The following MSANTD3 variants were observed in gnomAD, a reference collection of about 807,000 sequenced individuals.
The protein encoded by MSANTD3 is myb/SANT-like DNA-binding domain-containing protein 3.
In MSANTD3, 11 loss-of-function variants were observed where a neutral mutation model predicts 27.7. That is an observed-to-expected ratio of 0.40 (90% CI 0.25 to 0.66). MSANTD3 has a LOEUF of 0.66. Among genes scored for constraint, MSANTD3 ranks in the 30% least tolerant of loss-of-function variants. The probability of loss-of-function intolerance (pLI) is 0.41; values close to 1 mark genes in which losing one functional copy is unlikely to be tolerated. For missense variants in MSANTD3, 250 were observed against 336.5 expected, an observed-to-expected ratio of 0.74 and a Z score of 2.01; for synonymous variants, 131 against 127.2, an observed-to-expected ratio of 1.03 and a Z score of -0.20.
chr9:100,436,910 T>G (rs1277756250), intron 1 of MSANTD3, among the ~76,000 whole-genome samples: 1 of 152,150 alleles, frequency 6.6e-6, no homozygotes, highest in Non-Finnish European at 1.5e-5. Context: ...GTTCAAATGA[T>G]TCTCCTGCCT....
At chr9:100,432,106 GT>G (rs1453357537) in intron 1 of MSANTD3, among the ~76,000 whole-genome samples, 1 of 152,136 alleles carries the variant, frequency 6.6e-6, no homozygotes, top group Non-Finnish European at 1.5e-5. Flanking sequence ...CACAAGGCTG[GT>G]TCTGCATGCA....
rs1836730253 is a variant in MSANTD3, at chr9:100,445,369, A to T, written c.418+3013A>T. 5.0e-6 allele frequency: 3 copies of T among 594,768 alleles called. No individual in the cohort carries two copies. The South Asian group carries it at 7.6e-5, about 15-fold the overall frequency. 36.8% of individuals were successfully genotyped at this position (594,768 alleles called of 1,614,324 possible). A position where few individuals can be genotyped will look rare whatever the true frequency, so the allele number is the denominator to read the frequency against. On this transcript the variant is annotated intron_variant, in intron 2 of 2. Transcript: ENST00000395067. ...AGTTGTCACAAGCCACATGAGGCTC[A>T]TAGGCACTTGAAATGTGGGTAGACC... is the stretch of plus-strand genomic sequence containing the variant.
chr9:100,442,845 A>G (rs1836662344), intron 2 of MSANTD3, among the ~76,000 whole-genome samples: 1 of 151,648 alleles, frequency 6.6e-6, no homozygotes, highest in Admixed American at 6.6e-5. Flanking sequence ...ATATAAAAAC[A>G]AAAGTACTTG....
In MSANTD3 at chr9:100,451,175, C is replaced by G. The variant is rs1440595509; in HGVS notation, c.*209C>G. On this transcript the variant is annotated 3_prime_UTR_variant, in exon 3 of 3. Transcript: ENST00000395067. ...GCTGTTATAGTCTTCTGAAAATTAT[C>G]ACTATGAGTGCTATAATTCTGAATA... is the stretch of plus-strand genomic sequence containing the variant. 2.0e-6 allele frequency: 1 copy of G among 507,834 alleles called. No homozygotes were observed. The highest frequency in any genetic ancestry group is 3.1e-5 in the East Asian group (1 of 32,480). 31.5% of individuals were successfully genotyped at this position (507,834 alleles called of 1,614,324 possible).
At chr9:100,444,348 A>G (rs951331963) in intron 2 of MSANTD3, 4 of 152,200 alleles carry the variant, frequency 2.6e-5, no homozygotes, top group African/African-American at 9.7e-5. Context: ...CTCCTAGCAG[A>G]CAGTTTATGG....
At chr9:100,428,127 A>C (rs1836286200) in intron 1 of MSANTD3, among the ~76,000 whole-genome samples, 1 of 152,202 alleles carries the variant, frequency 6.6e-6, no homozygotes, top group African/African-American at 2.4e-5. Flanking sequence ...AATTGCATGA[A>C]TAATCTTTAT....
chr9:100,431,760 T>C (rs780565487), intron 1 of MSANTD3, among the ~76,000 whole-genome samples: 2 of 152,188 alleles, frequency 1.3e-5, no homozygotes, highest in African/African-American at 2.4e-5. Flanking sequence ...TTCTGAGTGC[T>C]GCAAGAGGTA....
At position 100,442,337 on chromosome 9, in the gene MSANTD3, C is replaced by T. The variant is rs1337442049; in HGVS notation, c.399C>T (p.His133=). ...CCCCGGAGGAGGAGCCCGAATACCA[C>T]CCCGACGCCTCAGCCCAAGGTATCC... ...QSPPEEEPEY[H]PDASAQESFA... is the part of the protein sequence containing the mutation. The change falls in exon 2 of 3, where the codon CAC becomes CAT. Residue 133 remains histidine, a synonymous_variant. Coordinates refer to ENST00000395067, the MANE Select transcript of MSANTD3 (RefSeq NM_080655.3). 4 of 1,612,260 alleles carry T rather than the reference C, an allele frequency of 2.5e-6. No homozygotes were observed. The African/African-American group carries it at 5.3e-5, about 22-fold the overall frequency.
intron 2 of MSANTD3, among the ~76,000 whole-genome samples, chr9:100,449,577 A>C (rs919395240): frequency 1.3e-5 from 2 of 152,214 alleles, no homozygotes; most frequent in Non-Finnish European, 2.9e-5. Context: ...AACTTTAAGC[A>C]GAGGGAACAG....
At chr9:100,446,958 G>C (rs1836768718) in intron 2 of MSANTD3, among the ~76,000 whole-genome samples, 2 of 151,944 alleles carry the variant, frequency 1.3e-5, no homozygotes, top group Admixed American at 6.6e-5. Flanking sequence ...CCTATTTCCT[G>C]TATCTGGGGT....
chr9:100,442,237 TCCTGAGTAC>T lies in MSANTD3; in HGVS notation c.302_310del (p.Leu101_Thr103del), dbSNP rs1564250127. 6.2e-7 allele frequency: 1 copy of T among 1,614,118 alleles called. No individual in the cohort carries two copies. The highest frequency in any genetic ancestry group is 8.5e-7 in the Non-Finnish European group (1 of 1,180,034). On this transcript the variant is annotated inframe_deletion, in exon 2 of 3. Coordinates refer to ENST00000395067, the MANE Select transcript of MSANTD3 (RefSeq NM_080655.3). ...AAAGTGAAACGGAGCGTCAGCCCTCTCCTGAGTACCCACGTCCTAGGGAAGGAGAAGATC... is the reference window on the plus strand; with the variant it reads ...AAAGTGAAACGGAGCGTCAGCCCTCTCCACGTCCTAGGGAAGGAGAAGATC...
At chr9:100,429,051 C>A (rs1375776369) in intron 1 of MSANTD3, among the ~76,000 whole-genome samples, 3 of 152,162 alleles carry the variant, frequency 2.0e-5, no homozygotes, top group Admixed American at 1.3e-4. Flanking sequence ...AGGGGGCACC[C>A]TTTCCTCTCC....
Position 100,450,833 on chromosome 9 carries a change from T to C in MSANTD3, c.695T>C (p.Met232Thr). 2 of 1,614,138 alleles carry C rather than the reference T, an allele frequency of 1.2e-6. No homozygotes were observed. Among genetic ancestry groups the C allele is most frequent in the Non-Finnish European group, 1.7e-6 (2 of 1,180,020 alleles). The change falls in exon 3 of 3, where the codon ATG (methionine) becomes ACG (threonine). Residue 232 changes from methionine to threonine, a missense_variant. By Grantham distance (81) the Met-to-Thr change is moderately conservative. Transcript: ENST00000395067. ...CAGCAGATAGAGCGAGAGTGTGAGA[T>C]GGCAGAGGAGGAACACAGGATAAAA... ...KIQQIERECEMAEEEHRIKME... is the reference protein window; with the variant it reads ...KIQQIERECETAEEEHRIKME...
chr9:100,428,273 A>G (rs1160657856), intron 1 of MSANTD3, among the ~76,000 whole-genome samples: 1 of 152,220 alleles, frequency 6.6e-6, no homozygotes, highest in Non-Finnish European at 1.5e-5. Context: ...ATGCAGGGAT[A>G]TATTTGTCAT....
intron 1 of MSANTD3, among the ~76,000 whole-genome samples, chr9:100,435,132 A>G (rs1836455957): frequency 6.6e-6 from 1 of 152,204 alleles, no homozygotes; most frequent in East Asian, 1.9e-4. Context: ...GGAATGAGGC[A>G]GGGCCGGGAT....
rs761576311 is a variant in MSANTD3 at position 100,442,286 on chromosome 9, G to A, written c.348G>A (p.Pro116=). The A allele has an allele frequency of 6.2e-6, 10 of 1,614,078 alleles. No individual in the cohort carries two copies. The highest frequency in any genetic ancestry group is 1.3e-5 in the African/African-American group (1 of 75,026). The change falls in exon 2 of 3, where the codon CCG becomes CCA. Residue 116 remains proline, a synonymous_variant. Transcript: ENST00000395067. The part of the protein sequence containing the change: ...LGKEKIASML[P]EQLYFLQSPP... ...AGGAGAAGATCGCCAGCATGCTGCC[G>A]GAGCAGCTCTACTTCCTGCAGAGCC... is the stretch of plus-strand genomic sequence containing the variant.
chr9:100,442,386 T>C (rs1836649359), intron 2 of MSANTD3, 30 bp downstream of exon 2: 1 of 1,568,802 alleles, frequency 6.4e-7, no homozygotes, highest in South Asian at 1.1e-5. Context: ...GTGTGCACGC[T>C]CTCACTGGGT....
At chr9:100,431,384 C>A (rs1286145635) in intron 1 of MSANTD3, among the ~76,000 whole-genome samples, 1 of 150,504 alleles carries the variant, frequency 6.6e-6, no homozygotes, top group Non-Finnish European at 1.5e-5. Context: ...TTGTTCACTG[C>A]AACCTCAGAT....
intron 2 of MSANTD3, among the ~76,000 whole-genome samples, chr9:100,447,101 G>T (rs544009766): frequency 4.6e-5 from 7 of 152,118 alleles, no homozygotes; most frequent in African/African-American, 1.7e-4. Context: ...AAGCTGTTGG[G>T]ATTTCCTACC....
Sources: allele counts gnomAD v4.1 joint callset (sites outside exome capture counted in the v4.1 genomes callset), GRCh38; gene constraint gnomAD v4.1.1; transcripts MANE v1.5; gene names NCBI Gene and HGNC (gene_info 2026-07-23, HGNC 2026-07-21).